The following KCTD8 variants were observed in gnomAD, a reference collection of about 807,000 sequenced individuals.
KCTD8 encodes BTB/POZ domain-containing protein KCTD8.
A neutral mutation model predicts 31.5 loss-of-function variants in KCTD8; 27 were observed. That is an observed-to-expected ratio of 0.86 (90% CI 0.63 to 1.18). The LOEUF is 1.18. KCTD8 is among the 50% of genes most tolerant of loss of function. The pLI is 0.00. For missense variants in KCTD8, 658 were observed against 647.7 expected (o/e 1.02, Z -0.17); for synonymous variants, 290 against 280.0 (o/e 1.04, Z -0.36).
chr4:44,434,206 T>C (rs1041082319), intron 1 of KCTD8, among the ~76,000 whole-genome samples: 2 of 151,856 alleles, frequency 1.3e-5, no homozygotes, highest in African/African-American at 4.8e-5. Flanking sequence ...CTCTAATGCC[T>C]TCCCTGAACT....
chr4:44,323,888 T>C (rs958309827), intron 1 of KCTD8, among the ~76,000 whole-genome samples: 14 of 151,796 alleles, frequency 9.2e-5, no homozygotes, highest in Non-Finnish European at 1.8e-4. Flanking sequence ...CAAGCAATAA[T>C]GAGCCATTAT....
chr4:44,331,760 G>A (rs1424908762), intron 1 of KCTD8, among the ~76,000 whole-genome samples: 1 of 145,494 alleles, frequency 6.9e-6, no homozygotes, highest in African/African-American at 2.7e-5. Flanking sequence ...CAGCTTTATA[G>A]AGAGAGTGAA....
chr4:44,271,285 G>T (rs1294785036), intron 1 of KCTD8, among the ~76,000 whole-genome samples: 1 of 152,024 alleles, frequency 6.6e-6, no homozygotes, highest in Non-Finnish European at 1.5e-5. Flanking sequence ...CCTCTAGAAG[G>T]TATATTCACC....
intron 1 of KCTD8, among the ~76,000 whole-genome samples, chr4:44,382,409 A>G (rs568231589): frequency 2.6e-5 from 4 of 152,200 alleles, no homozygotes; most frequent in East Asian, 3.9e-4. Flanking sequence ...GAATGGGGAA[A>G]AGCTGAGAGC....
intron 1 of KCTD8, among the ~76,000 whole-genome samples, chr4:44,342,361 T>TCC (rs1718924918): frequency 8.2e-6 from 1 of 121,772 alleles, no homozygotes; most frequent in Non-Finnish European, 1.7e-5. Context: ...TGAGCAAGAC[T>TCC]GTCTCAAAAA....
chr4:44,201,207 C>A (rs1714140610), intron 1 of KCTD8, among the ~76,000 whole-genome samples: 1 of 151,900 alleles, frequency 6.6e-6, no homozygotes, highest in Non-Finnish European at 1.5e-5. Flanking sequence ...TTTGAAGAAA[C>A]AATATTGTTA....
At chr4:44,252,975 C>T (rs999634661) in intron 1 of KCTD8, among the ~76,000 whole-genome samples, 2 of 151,590 alleles carry the variant, frequency 1.3e-5, no homozygotes, top group African/African-American at 4.8e-5. Context: ...TGAGGGTAGC[C>T]TTTAATGTAT....
At chr4:44,249,021 T>C (rs1041573747) in intron 1 of KCTD8, among the ~76,000 whole-genome samples, 1 of 151,792 alleles carries the variant, frequency 6.6e-6, no homozygotes, top group Non-Finnish European at 1.5e-5. Context: ...ATTATGGAAA[T>C]GTTAACTATG....
At chr4:44,434,821 G>A (rs1051015245) in intron 1 of KCTD8, among the ~76,000 whole-genome samples, 11 of 151,844 alleles carry the variant, frequency 7.2e-5, no homozygotes, top group East Asian at 1.9e-4. Flanking sequence ...CCCTTAACTC[G>A]ACTGGCCAGA....
intron 1 of KCTD8, among the ~76,000 whole-genome samples, chr4:44,324,044 TA>T (rs34203587): frequency 0.26 from 30,098 of 117,076 alleles, 3,367 homozygotes; most frequent in African/African-American, 0.31. Flanking sequence ...AAAGTATAAT[TA>T]AAAAAAAAAA....
chr4:44,379,213 G>A (rs901590365), intron 1 of KCTD8, among the ~76,000 whole-genome samples: 4 of 152,024 alleles, frequency 2.6e-5, no homozygotes, highest in African/African-American at 9.7e-5. Flanking sequence ...TCTTTGGGGG[G>A]TTATTATTAA....
intron 1 of KCTD8, among the ~76,000 whole-genome samples, chr4:44,402,181 C>A (rs995472738): frequency 6.6e-6 from 1 of 152,140 alleles, no homozygotes; most frequent in South Asian, 2.1e-4. Flanking sequence ...CAGAGATTTA[C>A]ATATTTAACT....
intron 1 of KCTD8, among the ~76,000 whole-genome samples, chr4:44,381,404 T>C (rs2109442855): frequency 6.6e-6 from 1 of 152,144 alleles, no homozygotes; most frequent in East Asian, 1.9e-4. Flanking sequence ...CCATTTAAAG[T>C]AGCATCAAAT....
chr4:44,279,131 A>C (rs761129903), intron 1 of KCTD8, among the ~76,000 whole-genome samples: 1 of 152,122 alleles, frequency 6.6e-6, no homozygotes, highest in South Asian at 2.1e-4. Flanking sequence ...TCATATTTGC[A>C]TAAAGGTGTG....
At chr4:44,426,072 A>T (rs1214684447) in intron 1 of KCTD8, among the ~76,000 whole-genome samples, 1 of 148,642 alleles carries the variant, frequency 6.7e-6, no homozygotes, top group Non-Finnish European at 1.5e-5. Flanking sequence ...AATGTATACT[A>T]AAAAGGAAAG....
intron 1 of KCTD8, among the ~76,000 whole-genome samples, chr4:44,284,949 G>C (rs1024835282): frequency 1.3e-5 from 2 of 152,114 alleles, no homozygotes; most frequent in African/African-American, 4.8e-5. Flanking sequence ...TTAGAATGGT[G>C]ATCATTAAAA....
chr4:44,380,128 TC>T (rs1720022420), intron 1 of KCTD8, among the ~76,000 whole-genome samples: 2 of 151,994 alleles, frequency 1.3e-5, no homozygotes, highest in South Asian at 4.1e-4. Flanking sequence ...ATTGTGAGCC[TC>T]AAGATTACCC....
chr4:44,378,497 G>T (rs1295052215), intron 1 of KCTD8, among the ~76,000 whole-genome samples: 1 of 151,798 alleles, frequency 6.6e-6, no homozygotes, highest in Non-Finnish European at 1.5e-5. Context: ...TTAATCCTTA[G>T]TAAACTGGGA....
chr4:44,433,430 C>A (rs1159074090), intron 1 of KCTD8, among the ~76,000 whole-genome samples: 1 of 151,798 alleles, frequency 6.6e-6, no homozygotes, highest in Non-Finnish European at 1.5e-5. Context: ...CCAGTTTCTT[C>A]TGTCCCACAT....
Sources: gnomAD v4.1 joint callset for allele counts (sites outside exome capture counted in the v4.1 genomes callset) on GRCh38, gnomAD v4.1.1 for gene constraint, MANE v1.5 for transcripts, NCBI Gene and HGNC (gene_info 2026-07-23, HGNC 2026-07-21) for gene names.